CTNNA1: variants seen among roughly 807,000 people sequenced by gnomAD.
The protein encoded by CTNNA1 is catenin alpha 1.
In CTNNA1, 37 loss-of-function variants were observed where a neutral mutation model predicts 98.4. The observed-to-expected ratio is 0.38, with a 90% confidence interval of 0.29 to 0.49. CTNNA1 has a LOEUF of 0.49. CTNNA1 is among the 20% of genes least tolerant of loss of function. The probability of loss-of-function intolerance (pLI) is 0.95; values close to 1 mark genes in which losing one functional copy is unlikely to be tolerated. For synonymous variants in CTNNA1, 404 were observed against 413.2 expected, an observed-to-expected ratio of 0.98 and a Z score of 0.27; for missense variants, 761 against 1,147.2, an observed-to-expected ratio of 0.66 and a Z score of 4.86.
At chr5:138,931,735 C>T in intron 16 of CTNNA1, 4 of 985,482 alleles carry the variant, frequency 4.1e-6, no homozygotes, top group Non-Finnish European at 4.8e-6. Context: ...TCAATACTGT[C>T]ATCTGAAAAT....
At chr5:138,926,824 G>A (rs1000897791) in intron 13 of CTNNA1, among the ~76,000 whole-genome samples, 1 of 152,110 alleles carries the variant, frequency 6.6e-6, no homozygotes, top group Non-Finnish European at 1.5e-5. Flanking sequence ...GGCCTGCTGG[G>A]AAGTCCTTGA....
intron 5 of CTNNA1, among the ~76,000 whole-genome samples, chr5:138,821,679 A>G (rs1051629182): frequency 2.6e-5 from 4 of 152,146 alleles, no homozygotes; most frequent in African/African-American, 9.7e-5. Context: ...GTTAGTTTCT[A>G]TTTTTTGGTC....
intron 1 of CTNNA1, among the ~76,000 whole-genome samples, chr5:138,768,558 G>GTTTTTTTTT (rs36038829): frequency 7.4e-5 from 5 of 67,606 alleles, no homozygotes; most frequent in Admixed American, 2.0e-4. Context: ...AACGGTGTCT[G>GTTTTTTTTT]TTTTTTTTTT....
intron 9 of CTNNA1, among the ~76,000 whole-genome samples, chr5:138,889,089 T>C (rs1250933501): frequency 2.0e-5 from 3 of 152,208 alleles, no homozygotes; most frequent in Non-Finnish European, 4.4e-5. Flanking sequence ...CAGCATGAGG[T>C]ATAACTTCCA....
intron 7 of CTNNA1, among the ~76,000 whole-genome samples, chr5:138,879,688 C>T (rs1752476336): frequency 6.6e-6 from 1 of 152,130 alleles, no homozygotes; most frequent in African/African-American, 2.4e-5. Context: ...GAACTCTTGG[C>T]TTCAAGAGAT....
intron 7 of CTNNA1, among the ~76,000 whole-genome samples, chr5:138,854,475 T>C (rs1435675426): frequency 6.6e-6 from 1 of 152,214 alleles, no homozygotes; most frequent in East Asian, 1.9e-4. Flanking sequence ...CTCTCTTACA[T>C]AGGCTTAAGT....
At chr5:138,837,363 TATAA>T (rs1317079939) in intron 7 of CTNNA1, among the ~76,000 whole-genome samples, 1 of 152,144 alleles carries the variant, frequency 6.6e-6, no homozygotes, top group Non-Finnish European at 1.5e-5. Context: ...CACTTATTTT[TATAA>T]ATAAAGTTTT....
At chr5:138,871,803 C>T (rs1445977652) in intron 7 of CTNNA1, 3 of 152,154 alleles carry the variant, frequency 2.0e-5, no homozygotes, top group Non-Finnish European at 2.9e-5. Context: ...AGCGTGAATG[C>T]GTATCTTTAT....
intron 11 of CTNNA1, among the ~76,000 whole-genome samples, chr5:138,921,278 A>C (rs1403308597): frequency 6.6e-6 from 1 of 152,198 alleles, no homozygotes; most frequent in Non-Finnish European, 1.5e-5. Flanking sequence ...CTGTGCTTAC[A>C]TGTTGCAGTT....
At chr5:138,807,323 T>G (rs867561759) in intron 3 of CTNNA1, among the ~76,000 whole-genome samples, 1 of 151,834 alleles carries the variant, frequency 6.6e-6, no homozygotes, top group East Asian at 1.9e-4. Context: ...TGGACATTAT[T>G]ATGTTACTGT....
intron 1 of CTNNA1, among the ~76,000 whole-genome samples, chr5:138,766,506 C>G (rs1219375515): frequency 6.6e-6 from 1 of 150,780 alleles, no homozygotes; most frequent in Non-Finnish European, 1.5e-5. Context: ...CTGGGGCTCC[C>G]TGGAGAATGA....
At chr5:138,817,641 A>C (rs1759567999) in intron 5 of CTNNA1, among the ~76,000 whole-genome samples, 1 of 151,428 alleles carries the variant, frequency 6.6e-6, no homozygotes, top group African/African-American at 2.4e-5. Flanking sequence ...CCTCTGGGTA[A>C]TTTCAAGCTA....
chr5:138,833,319 C>T (rs1761461227), intron 7 of CTNNA1, among the ~76,000 whole-genome samples: 1 of 152,166 alleles, frequency 6.6e-6, no homozygotes, highest in Admixed American at 6.5e-5. Context: ...AGTTCTAGCT[C>T]TCTGCTATTC....
At chr5:138,852,566 G>A (rs935032512) in intron 7 of CTNNA1, among the ~76,000 whole-genome samples, 2 of 151,848 alleles carry the variant, frequency 1.3e-5, no homozygotes, top group African/African-American at 2.4e-5. Context: ...GTCATATTTC[G>A]TGTTCAATAT....
intron 9 of CTNNA1, among the ~76,000 whole-genome samples, chr5:138,902,202 GTC>G (rs1183375839): frequency 9.2e-5 from 14 of 152,286 alleles, no homozygotes; most frequent in African/African-American, 3.4e-4. Flanking sequence ...ACCCTCATGT[GTC>G]TGATGTAGAG....
chr5:138,789,160 G>A (rs866820672), intron 3 of CTNNA1, among the ~76,000 whole-genome samples: 9 of 142,352 alleles, frequency 6.3e-5, no homozygotes, highest in Middle Eastern at 7.0e-3. Context: ...TGGTATTCTA[G>A]CACATAGGAG....
In CTNNA1 at chr5:138,814,777, G is replaced by A. The variant is rs1241678926; in HGVS notation, c.588+2475G>A. Among the ~76,000 whole-genome samples the A allele has an allele frequency of 2.6e-5, 4 of 151,010 alleles. No individual in the cohort carries two copies. In the East Asian group the frequency reaches 7.8e-4, roughly 29 times the overall value. Reference sequence around the variant, plus strand: ...GTTTTTTTTTGTTTTTTTTTGTGGTGGACTCACATTCTGTCGCCCACGCTG... The same window carrying A: ...GTTTTTTTTTGTTTTTTTTTGTGGTAGACTCACATTCTGTCGCCCACGCTG... On this transcript the variant is annotated intron_variant, in intron 5 of 17. Coordinates refer to ENST00000302763, the MANE Select transcript of CTNNA1 (RefSeq NM_001903.5).
At chr5:138,778,584 A>G (rs778452367) in intron 1 of CTNNA1, among the ~76,000 whole-genome samples, 2 of 152,210 alleles carry the variant, frequency 1.3e-5, no homozygotes, top group African/African-American at 2.4e-5. Context: ...GGGAGTTACT[A>G]TGACACTAGA....
chr5:138,805,062 A>G (rs1757945065), intron 3 of CTNNA1, among the ~76,000 whole-genome samples: 1 of 152,090 alleles, frequency 6.6e-6, no homozygotes, highest in Non-Finnish European at 1.5e-5. Flanking sequence ...GAGGAGCAAG[A>G]GAGGGGGTGG....
Sources: allele counts gnomAD v4.1 joint callset (sites outside exome capture counted in the v4.1 genomes callset), GRCh38; gene constraint gnomAD v4.1.1; transcripts MANE v1.5; gene names NCBI Gene and HGNC (gene_info 2026-07-23, HGNC 2026-07-21).